Variants in GABRG2 observed in about 807,000 individuals in gnomAD.
GABRG2 encodes gamma-aminobutyric acid receptor subunit gamma-2.
In GABRG2, 16 loss-of-function variants were observed where a neutral mutation model predicts 56.4. The ratio of observed to expected loss-of-function variants is 0.28; its 90% CI spans 0.19 to 0.43. The LOEUF (loss-of-function observed/expected upper bound fraction) is 0.43, where lower values mean the gene tolerates loss of function less well. Ranked by LOEUF, GABRG2 falls within the 20% of genes least tolerant of loss-of-function variation. The pLI, the probability that GABRG2 is intolerant of heterozygous loss-of-function variation, is 1.00. For missense variants in GABRG2, 327 were observed against 582.7 expected (o/e 0.56, Z 4.52); for synonymous variants, 208 against 205.5 (o/e 1.01, Z -0.10).
chr5:162,113,823 C>G, intron 6 of GABRG2, among the ~76,000 whole-genome samples: 1 of 152,278 alleles, frequency 6.6e-6, no homozygotes, highest in Non-Finnish European at 1.5e-5. Context: ...CAATTGTAAT[C>G]GCCTACTGAT....
intron 5 of GABRG2, 32 bp downstream of exon 5, chr5:162,101,349 C>G (rs529462959): frequency 9.6e-6 from 13 of 1,348,434 alleles, no homozygotes; most frequent in Non-Finnish European, 1.3e-5. Flanking sequence ...TTTGTATCCT[C>G]CCTCACCTAC....
At chr5:162,131,763 G>A (rs891679859) in intron 6 of GABRG2, among the ~76,000 whole-genome samples, 3 of 151,956 alleles carry the variant, frequency 2.0e-5, no homozygotes, top group African/African-American at 4.8e-5. Context: ...TGATTCAAAT[G>A]TCCCCCAGTG....
intron 1 of GABRG2, among the ~76,000 whole-genome samples, chr5:162,078,950 T>TA (rs1367581053): frequency 1.3e-5 from 2 of 150,854 alleles, no homozygotes; most frequent in African/African-American, 2.4e-5. Flanking sequence ...TGTCACTTCA[T>TA]AAAAAAATCT....
intron 6 of GABRG2, among the ~76,000 whole-genome samples, chr5:162,133,815 A>G (rs1367803919): frequency 2.0e-5 from 3 of 152,128 alleles, no homozygotes; most frequent in Non-Finnish European, 2.9e-5. Context: ...CCATGAACCT[A>G]GAGAAAACCA....
intron 8 of GABRG2, chr5:162,149,656 C>T (rs1362852199): frequency 1.6e-6 from 1 of 626,790 alleles, no homozygotes; most frequent in Admixed American, 1.9e-5. Flanking sequence ...CTCTGTTGCT[C>T]AGGCTGGAGT....
chr5:162,133,775 G>A (rs1763923767), intron 6 of GABRG2, among the ~76,000 whole-genome samples: 1 of 152,098 alleles, frequency 6.6e-6, no homozygotes, highest in African/African-American at 2.4e-5. Flanking sequence ...AAGGAAGGCA[G>A]AAAACTGGGA....
At chr5:162,131,539 T>C (rs1763758757) in intron 6 of GABRG2, among the ~76,000 whole-genome samples, 1 of 151,948 alleles carries the variant, frequency 6.6e-6, no homozygotes, top group Admixed American at 6.6e-5. Context: ...TAAATTCTGG[T>C]GGTTCTCAAA....
chr5:162,085,950 C>T (rs948889575), intron 1 of GABRG2, among the ~76,000 whole-genome samples: 5 of 150,602 alleles, frequency 3.3e-5, no homozygotes, highest in Admixed American at 6.6e-5. Flanking sequence ...ATGGTGTATA[C>T]GTACCACATT....
At position 162,152,932 on chromosome 5, in the gene GABRG2, C is replaced by A. The variant is rs1439031984; in HGVS notation, c.1153-161C>A. On this transcript the variant is annotated intron_variant, in intron 9 of 9. Coordinates refer to ENST00000639213, the MANE Select transcript of GABRG2 (RefSeq NM_198904.4). ...AATTTGAAATCTGCAAATGTGCTAT[C>A]TTTCTAAGTTCAATTTTACCATTGT... 7 of 851,056 alleles carry A rather than the reference C, an allele frequency of 8.2e-6. No individual in the cohort carries two copies. In the South Asian group the frequency reaches 9.2e-5, roughly 11 times the overall value. The allele number at this position is 851,056 out of a possible 1,614,324, so 52.7% of individuals were successfully genotyped here. A position where few individuals can be genotyped will look rare whatever the true frequency, so the allele number is the denominator to read the frequency against.
chr5:162,080,380 T>C (rs1210343969), intron 1 of GABRG2, among the ~76,000 whole-genome samples: 1 of 152,038 alleles, frequency 6.6e-6, no homozygotes, highest in Non-Finnish European at 1.5e-5. Context: ...GAGCCCAGCA[T>C]GAAAATGTTG....
chr5:162,132,858 A>T (rs1270985128), intron 6 of GABRG2, among the ~76,000 whole-genome samples: 2 of 152,110 alleles, frequency 1.3e-5, no homozygotes, highest in East Asian at 3.9e-4. Flanking sequence ...TGTTAGTGTC[A>T]CAACCATACT....
chr5:162,122,999 C>T (rs1763076561), intron 6 of GABRG2, among the ~76,000 whole-genome samples: 1 of 151,582 alleles, frequency 6.6e-6, no homozygotes, highest in African/African-American at 2.4e-5. Context: ...ATATCTTGCA[C>T]TATATATCTG....
chr5:162,125,625 A>G (rs1366505926), intron 6 of GABRG2, among the ~76,000 whole-genome samples: 1 of 151,762 alleles, frequency 6.6e-6, no homozygotes, highest in Non-Finnish European at 1.5e-5. Flanking sequence ...AAGAACAGCA[A>G]GAAGTTCAGG....
chr5:162,118,511 G>A (rs1762776677), intron 6 of GABRG2, among the ~76,000 whole-genome samples: 2 of 152,044 alleles, frequency 1.3e-5, no homozygotes, highest in African/African-American at 4.8e-5. Context: ...TGCTGTAATA[G>A]CAAAACTAGG....
chr5:162,138,630 T>C (rs1190710614), intron 6 of GABRG2, among the ~76,000 whole-genome samples: 2 of 152,172 alleles, frequency 1.3e-5, no homozygotes, highest in Non-Finnish European at 2.9e-5. Flanking sequence ...TACAACACTA[T>C]TTATGCCTTC....
intron 1 of GABRG2, among the ~76,000 whole-genome samples, chr5:162,091,215 T>G (rs1581335520): frequency 6.6e-6 from 1 of 151,988 alleles, no homozygotes; most frequent in East Asian, 1.9e-4. Flanking sequence ...CATACATAGA[T>G]GTAGGTTTTT....
chr5:162,103,555 T>C (rs1212180360), intron 5 of GABRG2: 2 of 269,252 alleles, frequency 7.4e-6, no homozygotes, highest in African/African-American at 4.4e-5. Context: ...GTATTTCTAC[T>C]ATTTATTATA....
chr5:162,140,909 G>A (rs1764512508), intron 6 of GABRG2, among the ~76,000 whole-genome samples: 1 of 152,194 alleles, frequency 6.6e-6, no homozygotes, highest in Non-Finnish European at 1.5e-5. Flanking sequence ...ACTTTAAAAA[G>A]AGACTTCAAA....
intron 7 of GABRG2, among the ~76,000 whole-genome samples, chr5:162,146,443 G>A (rs1764954503): frequency 6.6e-6 from 1 of 152,020 alleles, no homozygotes; most frequent in African/African-American, 2.4e-5. Flanking sequence ...AAAGTGCTTG[G>A]CACAGTATCT....
Sources: gnomAD v4.1 joint callset for allele counts (sites outside exome capture counted in the v4.1 genomes callset) on GRCh38, gnomAD v4.1.1 for gene constraint, MANE v1.5 for transcripts, NCBI Gene and HGNC (gene_info 2026-07-23, HGNC 2026-07-21) for gene names.